Variants in IMMP2L observed in about 807,000 individuals in gnomAD.
IMMP2L encodes the protein inner mitochondrial membrane peptidase subunit 2.
In IMMP2L, 18 loss-of-function variants were observed where a neutral mutation model predicts 19.3. The observed-to-expected ratio is 0.93, with a 90% confidence interval of 0.64 to 1.38. IMMP2L has a LOEUF of 1.38. IMMP2L is among the 40% of genes most tolerant of loss of function. The pLI, the probability that IMMP2L is intolerant of heterozygous loss-of-function variation, is 0.00. For synonymous variants in IMMP2L, 76 were observed against 73.0 expected, an observed-to-expected ratio of 1.04 and a Z score of -0.21; for missense variants, 233 against 218.2, an observed-to-expected ratio of 1.07 and a Z score of -0.43.
At chr7:111,077,015 G>A (rs1464811513) in intron 3 of IMMP2L, among the ~76,000 whole-genome samples, 1 of 152,208 alleles carries the variant, frequency 6.6e-6, no homozygotes, top group Non-Finnish European at 1.5e-5. Context: ...TGAGTCTCAG[G>A]CTCAGGTGGA....
At chr7:111,200,740 TCTGCC>T (rs1158171231) in intron 3 of IMMP2L, among the ~76,000 whole-genome samples, 3 of 152,058 alleles carry the variant, frequency 2.0e-5, no homozygotes, top group Admixed American at 6.5e-5. Flanking sequence ...AGCAATCAAC[TCTGCC>T]CTGGCAGAGA....
At chr7:111,002,555 G>A (rs970706296) in intron 3 of IMMP2L, among the ~76,000 whole-genome samples, 8 of 152,170 alleles carry the variant, frequency 5.3e-5, no homozygotes, top group Non-Finnish European at 8.8e-5. Flanking sequence ...TTGAAGGCCT[G>A]TCAGAGGCTA....
intron 3 of IMMP2L, chr7:111,124,716 C>T: frequency 6.2e-7 from 1 of 1,613,868 alleles, no homozygotes; most frequent in South Asian, 1.1e-5. Flanking sequence ...TTATCAGCTG[C>T]CTCTCTCCAG....
intron 3 of IMMP2L, among the ~76,000 whole-genome samples, chr7:111,332,473 TAA>T (rs755827404): frequency 6.5e-4 from 99 of 151,910 alleles, no homozygotes; most frequent in Non-Finnish European, 1.3e-3. Context: ...AAAATCACAA[TAA>T]AGACATATTA....
At chr7:110,745,822 A>G (rs138387120) in intron 5 of IMMP2L, among the ~76,000 whole-genome samples, 2 of 152,200 alleles carry the variant, frequency 1.3e-5, no homozygotes, top group African/African-American at 4.8e-5. Flanking sequence ...GACCATCGAC[A>G]CTATGAAGAA....
intron 3 of IMMP2L, among the ~76,000 whole-genome samples, chr7:111,205,683 TA>T (rs906153242): frequency 5.9e-5 from 9 of 152,014 alleles, no homozygotes; most frequent in African/African-American, 1.2e-4. Flanking sequence ...TTTACACACT[TA>T]AAAAAAAGAT....
At chr7:110,777,440 A>T (rs1799463349) in intron 5 of IMMP2L, among the ~76,000 whole-genome samples, 1 of 151,948 alleles carries the variant, frequency 6.6e-6, no homozygotes, top group African/African-American at 2.4e-5. Flanking sequence ...TATTTCCTAC[A>T]GTAATATTTT....
intron 3 of IMMP2L, among the ~76,000 whole-genome samples, chr7:111,132,795 C>G (rs1156554431): frequency 6.6e-6 from 1 of 151,876 alleles, no homozygotes; most frequent in Non-Finnish European, 1.5e-5. Flanking sequence ...TATAGCTACC[C>G]ATAGAGGAAG....
At chr7:110,794,002 A>T (rs544014154) in intron 5 of IMMP2L, among the ~76,000 whole-genome samples, 44 of 152,230 alleles carry the variant, frequency 2.9e-4, no homozygotes, top group Middle Eastern at 3.4e-3. Context: ...ACAACTCAAA[A>T]TGCTGGAAAG....
At chr7:110,730,312 C>G (rs1796177904) in intron 5 of IMMP2L, among the ~76,000 whole-genome samples, 1 of 152,106 alleles carries the variant, frequency 6.6e-6, no homozygotes, top group Non-Finnish European at 1.5e-5. Flanking sequence ...ATGGAAAGAG[C>G]AGACTCGCTG....
intron 5 of IMMP2L, among the ~76,000 whole-genome samples, chr7:110,872,405 C>G (rs1367292968): frequency 6.6e-6 from 1 of 152,032 alleles, no homozygotes; most frequent in African/African-American, 2.4e-5. Context: ...GATATTGTAC[C>G]TCTGTCTCTG....
chr7:110,687,400 G>C (rs1793190331), intron 5 of IMMP2L, among the ~76,000 whole-genome samples: 1 of 151,972 alleles, frequency 6.6e-6, no homozygotes. Context: ...CCATGTCTAA[G>C]TCATCTTTTT....
intron 5 of IMMP2L, among the ~76,000 whole-genome samples, chr7:110,699,703 G>C (rs1329959151): frequency 6.6e-6 from 1 of 151,288 alleles, no homozygotes; most frequent in South Asian, 2.1e-4. Context: ...AGGAGGCGAA[G>C]GTTGCAGTGA....
chr7:111,336,542 CA>C (rs1826426089), intron 3 of IMMP2L, among the ~76,000 whole-genome samples: 2 of 151,988 alleles, frequency 1.3e-5, no homozygotes, highest in South Asian at 4.2e-4. Context: ...TTATCTCTAA[CA>C]GTAAATTTTC....
At chr7:111,089,720 G>A (rs780406956) in intron 3 of IMMP2L, among the ~76,000 whole-genome samples, 1 of 151,838 alleles carries the variant, frequency 6.6e-6, no homozygotes, top group Non-Finnish European at 1.5e-5. Context: ...TAAGTATTAG[G>A]TTAAATGAGA....
chr7:110,972,978 T>G (rs747960236), intron 3 of IMMP2L, among the ~76,000 whole-genome samples: 10 of 152,070 alleles, frequency 6.6e-5, no homozygotes, highest in Non-Finnish European at 1.2e-4. Flanking sequence ...TTCTATTGTT[T>G]GTAAGAAAAT....
chr7:111,211,053 A>G (rs1366684130), intron 3 of IMMP2L, among the ~76,000 whole-genome samples: 1 of 152,182 alleles, frequency 6.6e-6, no homozygotes, highest in Non-Finnish European at 1.5e-5. Context: ...GTCATTTAAT[A>G]AATATGTATT....
intron 3 of IMMP2L, among the ~76,000 whole-genome samples, chr7:111,343,620 T>C (rs906324041): frequency 2.6e-5 from 4 of 152,136 alleles, no homozygotes; most frequent in African/African-American, 9.7e-5. Context: ...GTCCCTGCTC[T>C]ATATACAATG....
chr7:110,939,019 A>G (rs913796766), intron 4 of IMMP2L, among the ~76,000 whole-genome samples: 9 of 152,170 alleles, frequency 5.9e-5, no homozygotes, highest in Non-Finnish European at 1.2e-4. Context: ...TGCCACTGAG[A>G]AGCTAAGTTT....
Sources: allele counts gnomAD v4.1 joint callset (sites outside exome capture counted in the v4.1 genomes callset), GRCh38; gene constraint gnomAD v4.1.1; transcripts MANE v1.5; gene names NCBI Gene and HGNC (gene_info 2026-07-23, HGNC 2026-07-21).